The following ADAMTSL1 variants were observed in gnomAD, a reference collection of about 807,000 sequenced individuals.
ADAMTSL1 encodes the protein ADAMTS-like protein 1.
Under a neutral mutation model 201.8 loss-of-function variants are expected in ADAMTSL1, and 126 were observed. That is an observed-to-expected ratio of 0.62 (90% CI 0.54 to 0.72). The LOEUF is 0.72. Ranked by LOEUF, ADAMTSL1 falls within the 30% of genes least tolerant of loss-of-function variation. The pLI, the probability that ADAMTSL1 is intolerant of heterozygous loss-of-function variation, is 0.00. For synonymous variants in ADAMTSL1, 1,121 were observed against 903.4 expected (o/e 1.24, Z -4.32); for missense variants, 2,679 against 2,277.8 (o/e 1.18, Z -3.59).
At chr9:18,251,297 AATAATT>A (rs1156914332) in intron 2 of ADAMTSL1, among the ~76,000 whole-genome samples, 1 of 152,156 alleles carries the variant, frequency 6.6e-6, no homozygotes, top group Non-Finnish European at 1.5e-5. Flanking sequence ...AAACAGGAAA[AATAATT>A]AATAACATAT....
At chr9:18,820,487 A>T (rs1030778426) in intron 21 of ADAMTSL1, among the ~76,000 whole-genome samples, 5 of 152,190 alleles carry the variant, frequency 3.3e-5, no homozygotes, top group Non-Finnish European at 5.9e-5. Context: ...ACCACAGCTG[A>T]CATTTTATTA....
chr9:18,758,034 C>T (rs1204307176), intron 16 of ADAMTSL1, among the ~76,000 whole-genome samples: 1 of 152,146 alleles, frequency 6.6e-6, no homozygotes, highest in Non-Finnish European at 1.5e-5. Context: ...CCCCATTTTG[C>T]ATGTGAGGAA....
In ADAMTSL1 at chr9:18,892,612, G is replaced by A; in HGVS notation, c.4851+16G>A. On this transcript the variant is annotated intron_variant, in intron 26 of 28. Transcript: ENST00000380548. ...CTGGGGCCAGGTGAGGAGCCAGAGA[G>A]GTTGTTATTTGAAAGCTAAATCTAA... The A allele has an allele frequency of 6.4e-7, 1 of 1,550,798 alleles. No individual in the cohort carries two copies. Among genetic ancestry groups the A allele is most frequent in the Non-Finnish European group, 8.7e-7 (1 of 1,146,876 alleles).
chr9:18,238,992 T>C (rs1186801304), intron 2 of ADAMTSL1, among the ~76,000 whole-genome samples: 2 of 152,256 alleles, frequency 1.3e-5, no homozygotes, highest in Non-Finnish European at 2.9e-5. Flanking sequence ...ATAAAAGTTA[T>C]GTTTACACTA....
chr9:18,425,347 G>A (rs532139334), intron 2 of ADAMTSL1, among the ~76,000 whole-genome samples: 15 of 152,270 alleles, frequency 9.9e-5, no homozygotes, highest in African/African-American at 2.9e-4. Context: ...AAATGCACAC[G>A]TGCAATCTTA....
intron 1 of ADAMTSL1, among the ~76,000 whole-genome samples, chr9:18,035,045 A>G (rs991094066): frequency 1.3e-5 from 2 of 152,178 alleles, no homozygotes; most frequent in Non-Finnish European, 2.9e-5. Context: ...GTTCACCTCA[A>G]CTATGGAGGA....
intron 2 of ADAMTSL1, among the ~76,000 whole-genome samples, chr9:18,510,035 A>G (rs901709941): frequency 6.6e-6 from 1 of 152,230 alleles, no homozygotes; most frequent in Non-Finnish European, 1.5e-5. Context: ...ACTGGAATGT[A>G]TGTAGTAGCA....
chr9:18,543,202 T>C (rs1820257922), intron 3 of ADAMTSL1, among the ~76,000 whole-genome samples: 1 of 152,226 alleles, frequency 6.6e-6, no homozygotes, highest in Admixed American at 6.5e-5. Context: ...GAATGTAGGA[T>C]GGTGACTAAA....
intron 28 of ADAMTSL1, chr9:18,907,248 A>G: frequency 3.2e-6 from 1 of 311,382 alleles, no homozygotes. Flanking sequence ...AACAACTCTC[A>G]GGGGCCAGGC....
At chr9:18,714,892 T>G (rs1308357992) in intron 14 of ADAMTSL1, among the ~76,000 whole-genome samples, 1 of 150,430 alleles carries the variant, frequency 6.6e-6, no homozygotes, top group Non-Finnish European at 1.5e-5. Context: ...TCAAAAAGCT[T>G]ATCCACCATG....
intron 2 of ADAMTSL1, among the ~76,000 whole-genome samples, chr9:18,390,023 C>T (rs1837978110): frequency 6.6e-6 from 1 of 151,956 alleles, no homozygotes; most frequent in Non-Finnish European, 1.5e-5. Context: ...CAAATAAATC[C>T]TAAATGAGTA....
intron 2 of ADAMTSL1, among the ~76,000 whole-genome samples, chr9:18,407,441 G>A (rs11789720): frequency 0.093 from 14,163 of 152,294 alleles, 911 homozygotes; most frequent in Middle Eastern, 0.15. Flanking sequence ...TGGAATGAAT[G>A]AGAGAAGAGA....
intron 1 of ADAMTSL1, among the ~76,000 whole-genome samples, chr9:18,499,000 A>G (rs941380495): frequency 3.9e-5 from 6 of 152,270 alleles, no homozygotes; most frequent in Non-Finnish European, 5.9e-5. Context: ...ATGTGTGCAT[A>G]GATGCTGAGA....
rs370149389 is a variant in ADAMTSL1 at position 18,622,386 on chromosome 9, T to C, written c.601+17T>C. ...CAACCAAATGTAAGACACACAGAGA[T>C]GGGCGACCTTTGGACTTGTTGACTT... On this transcript the variant is annotated intron_variant, in intron 5 of 28. Coordinates refer to ENST00000380548, the MANE Select transcript of ADAMTSL1 (RefSeq NM_001040272.6). The C allele has an allele frequency of 8.1e-6, 13 of 1,613,978 alleles. No individual in the cohort carries two copies. In the South Asian group the frequency reaches 1.3e-4, roughly 16 times the overall value.
At chr9:18,795,689 G>T (rs376609536) in intron 20 of ADAMTSL1, among the ~76,000 whole-genome samples, 165 bp downstream of exon 20, 2 of 152,216 alleles carry the variant, frequency 1.3e-5, no homozygotes, top group African/African-American at 4.8e-5. Flanking sequence ...GAGGTAGAAT[G>T]AAGTGCTATA....
chr9:18,697,142 C>T (rs1057472752), intron 13 of ADAMTSL1, among the ~76,000 whole-genome samples: 33 of 151,826 alleles, frequency 2.2e-4, no homozygotes, highest in Admixed American at 2.1e-3. Context: ...TCAGCCCCCC[C>T]AAGTGCTGGG....
At chr9:17,909,391 T>G (rs1432269368) in intron 1 of ADAMTSL1, among the ~76,000 whole-genome samples, 2 of 146,186 alleles carry the variant, frequency 1.4e-5, no homozygotes, top group Admixed American at 7.0e-5. Context: ...CATGAAGTCC[T>G]TGCCCATGCC....
chr9:18,491,672 T>C (rs1400800013), intron 1 of ADAMTSL1, among the ~76,000 whole-genome samples: 2 of 152,200 alleles, frequency 1.3e-5, no homozygotes, highest in African/African-American at 2.4e-5. Flanking sequence ...TTCCCATATA[T>C]ACAATATCTG....
At chr9:18,501,724 C>T (rs1194292791) in intron 1 of ADAMTSL1, among the ~76,000 whole-genome samples, 1 of 152,200 alleles carries the variant, frequency 6.6e-6, no homozygotes, top group Admixed American at 6.5e-5. Flanking sequence ...CTTTCTCCAA[C>T]ATTAAACATG....
Sources: gnomAD v4.1 joint callset for allele counts (sites outside exome capture counted in the v4.1 genomes callset) on GRCh38, gnomAD v4.1.1 for gene constraint, MANE v1.5 for transcripts, NCBI Gene and HGNC (gene_info 2026-07-23, HGNC 2026-07-21) for gene names.